Variants in HIGD1C observed in about 807,000 individuals in gnomAD.
The protein encoded by HIGD1C is HIG1 hypoxia inducible domain family member 1C, also known as HIG1 domain family member 1C.
In HIGD1C, 11 loss-of-function variants were observed where a neutral mutation model predicts 13.1. The observed-to-expected ratio is 0.84, with a 90% CI of 0.53 to 1.39. HIGD1C has a LOEUF of 1.39. Ranked by LOEUF, HIGD1C falls within the 40% of genes most tolerant of loss-of-function variation. HIGD1C has a pLI of 0.00. For missense variants in HIGD1C, 110 were observed against 112.0 expected (o/e 0.98, Z 0.08); for synonymous variants, 36 against 37.7 (o/e 0.95, Z 0.17).
At chr12:50,962,407 A>G (rs957370644) in intron 2 of HIGD1C, among the ~76,000 whole-genome samples, 3 of 149,438 alleles carry the variant, frequency 2.0e-5, no homozygotes, top group Non-Finnish European at 3.0e-5. Context: ...GTGAAACTCC[A>G]TCTAAAAAAA....
chr12:50,936,714 T>G, the HIGD1C span, among the ~76,000 whole-genome samples: 1 of 152,258 alleles, frequency 6.6e-6, no homozygotes, highest in Admixed American at 6.5e-5. Context: ...TTATTCTATG[T>G]TCAATCCCTT....
chr12:50,953,840 T>A (rs1156818200), upstream of HIGD1C: 1 of 547,768 alleles, frequency 1.8e-6, no homozygotes, highest in East Asian at 2.9e-5. Context: ...TAGTGAAAAG[T>A]GTGAAGGAAA....
chr12:50,971,312 ATGT>A (rs752836167), downstream of HIGD1C, among the ~76,000 whole-genome samples: 2 of 152,226 alleles, frequency 1.3e-5, no homozygotes, highest in Non-Finnish European at 2.9e-5. Flanking sequence ...GAGAATGGTC[ATGT>A]TGTTATATAA....
At chr12:50,943,486 G>A in the HIGD1C span, among the ~76,000 whole-genome samples, 2 of 152,002 alleles carry the variant, frequency 1.3e-5, no homozygotes, top group Admixed American at 1.3e-4. Context: ...CAAGGCAGGT[G>A]GATCACAAGG....
chr12:50,951,763 T>C (rs983925036), upstream of HIGD1C, among the ~76,000 whole-genome samples: 4 of 145,488 alleles, frequency 2.7e-5, no homozygotes, highest in African/African-American at 9.9e-5. Context: ...CTACTAAAAA[T>C]ACAAAAAAAT....
the HIGD1C span, among the ~76,000 whole-genome samples, chr12:50,948,429 G>C: frequency 6.6e-6 from 1 of 152,082 alleles, no homozygotes; most frequent in South Asian, 2.1e-4. Flanking sequence ...TGTGGAGAAA[G>C]AGACACTTCT....
At chr12:50,960,030 A>G (rs1939265642) in intron 1 of HIGD1C, among the ~76,000 whole-genome samples, 1 of 152,126 alleles carries the variant, frequency 6.6e-6, no homozygotes, top group African/African-American at 2.4e-5. Context: ...AATCTTTCCT[A>G]TTTAGTTGAT....
intron 1 of HIGD1C, 174 bp downstream of exon 3, chr12:50,954,266 C>A: frequency 2.1e-6 from 1 of 466,858 alleles, no homozygotes; most frequent in Non-Finnish European, 3.8e-6. Flanking sequence ...TGGTAAGCCC[C>A]CAGTAAATGT....
At chr12:50,959,535 G>A (rs894359118) in intron 1 of HIGD1C, among the ~76,000 whole-genome samples, 2 of 151,982 alleles carry the variant, frequency 1.3e-5, no homozygotes, top group African/African-American at 4.8e-5. Flanking sequence ...TTTTTTCAGG[G>A]TCTAGTGTGA....
At chr12:50,944,224 C>T in the HIGD1C span, among the ~76,000 whole-genome samples, 1 of 152,188 alleles carries the variant, frequency 6.6e-6, no homozygotes, top group Admixed American at 6.5e-5. Context: ...CTCTTGATTC[C>T]TCTCTCCCAG....
chr12:50,956,653 G>A (rs1397196983), intron 1 of HIGD1C, among the ~76,000 whole-genome samples: 1 of 152,106 alleles, frequency 6.6e-6, no homozygotes, highest in East Asian at 1.9e-4. Flanking sequence ...GGCTTTGCTT[G>A]TTTCACTTAA....
At chr12:50,936,718 A>G in the HIGD1C span, among the ~76,000 whole-genome samples, 1 of 152,126 alleles carries the variant, frequency 6.6e-6, no homozygotes, top group Admixed American at 6.6e-5. Flanking sequence ...TCTATGTTCA[A>G]TCCCTTGACC....
At chr12:50,942,725 A>T in the HIGD1C span, among the ~76,000 whole-genome samples, 2 of 152,058 alleles carry the variant, frequency 1.3e-5, no homozygotes, top group African/African-American at 4.8e-5. Context: ...TTAGCCGGGC[A>T]TGGTGGCATG....
chr12:50,938,906 T>C, the HIGD1C span, among the ~76,000 whole-genome samples: 12 of 152,214 alleles, frequency 7.9e-5, no homozygotes, highest in Non-Finnish European at 1.3e-4. Flanking sequence ...TGACTCAATC[T>C]TCCTTGCCCT....
the HIGD1C span, among the ~76,000 whole-genome samples, chr12:50,944,708 G>A: frequency 6.6e-6 from 1 of 152,136 alleles, no homozygotes; most frequent in African/African-American, 2.4e-5. Context: ...CCAACATGGT[G>A]AAATCCCATC....
rs1419484710 is a variant in HIGD1C at position 50,961,077 on chromosome 12, A to AT, written c.207dup (p.Val70CysfsTer15). On this transcript the variant is annotated frameshift_variant, in exon 2 of 3. Transcript: ENST00000398455. LOFTEE classifies it high-confidence loss of function. Reference sequence around the variant, plus strand: ...TTCACATGAGAGTTGCTGCCCAAGGATTTGTTGTTGGAGCTGTGACTCTAG... The same window carrying AT: ...TTCACATGAGAGTTGCTGCCCAAGGATTTTGTTGTTGGAGCTGTGACTCTAG... 1.2e-6 allele frequency: 2 copies of AT among 1,613,850 alleles called. No homozygotes were observed. The highest frequency in any genetic ancestry group is 2.2e-5 in the South Asian group (2 of 91,072).
chr12:50,962,052 A>G (rs1939349958), intron 2 of HIGD1C, among the ~76,000 whole-genome samples: 1 of 152,202 alleles, frequency 6.6e-6, no homozygotes, highest in Non-Finnish European at 1.5e-5. Flanking sequence ...AGACCAAGAA[A>G]GAAAGAAGAC....
chr12:50,968,095 G>T (rs79111258), intron 2 of HIGD1C, among the ~76,000 whole-genome samples: 19,561 of 139,482 alleles, frequency 0.14, 1,720 homozygotes, highest in East Asian at 0.43. Context: ...CAAATAATAA[G>T]AAGAAGAAGG....
rs995778363 is a variant in HIGD1C at position 50,968,099 on chromosome 12, A to AAGGAGGAGGAGG, written c.230-2341_230-2340insGAGGAGGAGGAG. ...AGGCATTGTCTCAAATAATAAGAAG[A>AAGGAGGAGGAGG]AGAAGGAGGAGGAGGAGGAGGAGGA... On this transcript the variant is annotated intron_variant, in intron 2 of 2. Coordinates refer to ENST00000398455, the Ensembl canonical transcript of HIGD1C. Among the ~76,000 whole-genome samples, 6 of 146,468 alleles carry AAGGAGGAGGAGG rather than the reference A, an allele frequency of 4.1e-5. No homozygotes were observed. The East Asian group carries it at 9.9e-4, about 24-fold the overall frequency.
Sources: allele counts gnomAD v4.1 joint callset (sites outside exome capture counted in the v4.1 genomes callset), GRCh38; gene constraint gnomAD v4.1.1; transcripts MANE v1.5; gene names NCBI Gene and HGNC (gene_info 2026-07-23, HGNC 2026-07-21).